EPHA5: variants seen among roughly 807,000 people sequenced by gnomAD.
The protein encoded by EPHA5 is EPH receptor A5, also known as ephrin type-A receptor 5.
In EPHA5, 60 loss-of-function variants were observed where a neutral mutation model predicts 105.0. The observed-to-expected ratio is 0.57, with a 90% CI of 0.46 to 0.71. The LOEUF is 0.71. Among genes scored for constraint, EPHA5 ranks in the 30% least tolerant of loss-of-function variants. The pLI is 0.00. For synonymous variants in EPHA5, 513 were observed against 449.1 expected (o/e 1.14, Z -1.80); for missense variants, 1,218 against 1,274.7 (o/e 0.96, Z 0.68).
At chr4:65,468,679 C>CA (rs1728996895) in intron 5 of EPHA5, among the ~76,000 whole-genome samples, 1 of 1,076 alleles carries the variant, frequency 9.3e-4, no homozygotes, top group Non-Finnish European at 7.7e-3. Context: ...AACATATATA[C>CA]ATATATATAT....
intron 5 of EPHA5, among the ~76,000 whole-genome samples, chr4:65,477,646 T>A (rs1212183958): frequency 6.6e-6 from 1 of 152,056 alleles, no homozygotes; most frequent in African/African-American, 2.4e-5. Flanking sequence ...TCTCTTGACC[T>A]CATGATCACC....
chr4:65,541,833 T>C (rs143060372), intron 3 of EPHA5, among the ~76,000 whole-genome samples: 1 of 151,662 alleles, frequency 6.6e-6, no homozygotes, highest in African/African-American at 2.4e-5. Flanking sequence ...AAATTGACAT[T>C]ATCGGAAGTA....
chr4:65,588,498 C>T (rs1358645482), intron 3 of EPHA5, among the ~76,000 whole-genome samples: 1 of 152,100 alleles, frequency 6.6e-6, no homozygotes, highest in Non-Finnish European at 1.5e-5. Context: ...GCTGGTCTTT[C>T]CCTTGATGAT....
intron 3 of EPHA5, among the ~76,000 whole-genome samples, chr4:65,503,908 T>C (rs948697054): frequency 6.9e-6 from 1 of 145,356 alleles, no homozygotes; most frequent in Non-Finnish European, 1.5e-5. Context: ...ATGTGTGTGA[T>C]ACACACACAC....
In EPHA5 at chr4:65,490,391, G is replaced by A. The variant is rs1731280430; in HGVS notation, c.1388C>T (p.Thr463Ile). The part of the protein sequence containing the change: ...GARQYVSVNV[T>I]TNQAAPSPVT... The stretch of plus-strand genomic sequence containing the variant: ...ATGGCACTTACCTGCTTGATTTGTG[G>A]TTACATTTACAGACACATACTGCCG... Residue 463 changes from threonine (T) to isoleucine (I), a missense_variant, in exon 5 of 17, where the codon ACC (threonine) becomes ATC (isoleucine). This residue lies in a region of EPHA5 where 971 missense variants were observed against 1,013.5 expected (regional missense o/e 0.96). Transcript: ENST00000613740. The A allele has an allele frequency of 6.2e-7, 1 of 1,613,488 alleles. No homozygotes were observed. The highest frequency in any genetic ancestry group is 8.5e-7 in the Non-Finnish European group (1 of 1,179,602).
intron 5 of EPHA5, among the ~76,000 whole-genome samples, chr4:65,471,096 C>A (rs1729241660): frequency 6.6e-6 from 1 of 152,178 alleles, no homozygotes; most frequent in Admixed American, 6.5e-5. Context: ...CATGAGGCAT[C>A]CTTGGAGTCC....
chr4:65,496,564 AT>A, intron 3 of EPHA5, among the ~76,000 whole-genome samples: 1 of 151,294 alleles, frequency 6.6e-6, no homozygotes, highest in Non-Finnish European at 1.5e-5. Context: ...TGAACTCATC[AT>A]TTTTTATGGC....
intron 5 of EPHA5, among the ~76,000 whole-genome samples, chr4:65,424,461 A>G (rs12512753): frequency 0.024 from 3,611 of 152,214 alleles, 64 homozygotes; most frequent in Middle Eastern, 0.034. Context: ...TATAATAGGA[A>G]CAATAATATA....
At chr4:65,402,646 A>G (rs964107689) in intron 8 of EPHA5, among the ~76,000 whole-genome samples, 2 of 152,158 alleles carry the variant, frequency 1.3e-5, no homozygotes, top group South Asian at 4.1e-4. Context: ...ATCTTCTTAT[A>G]ACCTCCATGG....
chr4:65,407,046 T>C (rs1291268020), intron 7 of EPHA5, among the ~76,000 whole-genome samples: 1 of 152,078 alleles, frequency 6.6e-6, no homozygotes, highest in African/African-American at 2.4e-5. Context: ...ATAATGAAAA[T>C]GGTGGAATAT....
chr4:65,426,012 C>T (rs1001290064), intron 5 of EPHA5, among the ~76,000 whole-genome samples: 5 of 152,078 alleles, frequency 3.3e-5, no homozygotes, highest in Non-Finnish European at 7.4e-5. Flanking sequence ...TCGTTGAAGA[C>T]GCCATGATTT....
chr4:65,402,620 A>G (rs62314461), intron 8 of EPHA5, among the ~76,000 whole-genome samples: 15,213 of 152,190 alleles, frequency 0.1, 978 homozygotes, highest in Middle Eastern at 0.23. Flanking sequence ...CTAAGTGCAC[A>G]CACAACAAAT....
intron 14 of EPHA5, among the ~76,000 whole-genome samples, chr4:65,340,664 T>G (rs1036708713): frequency 6.6e-6 from 1 of 152,166 alleles, no homozygotes; most frequent in Admixed American, 6.5e-5. Context: ...TTTAGTAACC[T>G]GCCTTTTCTG....
intron 5 of EPHA5, among the ~76,000 whole-genome samples, chr4:65,428,268 G>A (rs1278833104): frequency 6.6e-6 from 1 of 151,862 alleles, no homozygotes; most frequent in African/African-American, 2.4e-5. Flanking sequence ...ACTCACAAAT[G>A]TGCAATATTA....
chr4:65,323,633 C>G lies in EPHA5; in HGVS notation c.*481G>C, dbSNP rs1719811265. 2 of 230,238 alleles carry G rather than the reference C, an allele frequency of 8.7e-6. No individual in the cohort carries two copies. The highest frequency in any genetic ancestry group is 1.2e-4 in the East Asian group (2 of 16,294). The allele number at this position is 230,238 out of a possible 1,614,324, so 14.3% of individuals were successfully genotyped here. ...AAGAAGATATCTATTAAGAAATAAT[C>G]TAATCATATTGCTCTTCAATACACT... On this transcript the variant is annotated 3_prime_UTR_variant, in exon 17 of 17. Coordinates refer to ENST00000613740, the MANE Select transcript of EPHA5 (RefSeq NM_001281766.3).
intron 3 of EPHA5, among the ~76,000 whole-genome samples, chr4:65,574,829 C>G (rs1468140316): frequency 1.3e-5 from 2 of 148,934 alleles, no homozygotes; most frequent in African/African-American, 4.9e-5. Flanking sequence ...TGTAAAAATT[C>G]CATCACTAAT....
In EPHA5 at chr4:65,338,421, C is replaced by T. The variant is rs1364912079; in HGVS notation, c.2596-2296G>A. Among the ~76,000 whole-genome samples the T allele has an allele frequency of 2.6e-5, 4 of 151,934 alleles. No homozygotes were observed. In the East Asian group the frequency reaches 7.7e-4, roughly 29 times the overall value. On this transcript the variant is annotated intron_variant, in intron 14 of 16. Coordinates refer to ENST00000613740, the MANE Select transcript of EPHA5 (RefSeq NM_001281766.3). Reference sequence around the variant, plus strand: ...AAAACATGGTTTATTTCATAATTTGCCCTTTCTCCAAAGCTGCTACCAATT... The same window carrying T: ...AAAACATGGTTTATTTCATAATTTGTCCTTTCTCCAAAGCTGCTACCAATT...
At chr4:65,429,003 A>G (rs539150790) in intron 5 of EPHA5, among the ~76,000 whole-genome samples, 17 of 152,138 alleles carry the variant, frequency 1.1e-4, no homozygotes, top group Middle Eastern at 3.4e-3. Context: ...TTAATCTCAC[A>G]CCAAATTAAT....
chr4:65,615,853 G>A (rs1745185136), intron 2 of EPHA5, among the ~76,000 whole-genome samples: 1 of 151,788 alleles, frequency 6.6e-6, no homozygotes, highest in African/African-American at 2.4e-5. Context: ...ACATAAAATG[G>A]TACAGGCACA....
Sources: gnomAD v4.1 joint callset for allele counts (sites outside exome capture counted in the v4.1 genomes callset) on GRCh38, gnomAD v4.1.1 for gene constraint, gnomAD v4.1.1 regional missense constraint, MANE v1.5 for transcripts, NCBI Gene and HGNC (gene_info 2026-07-23, HGNC 2026-07-21) for gene names.